TXNL4B: variants seen among roughly 807,000 people sequenced by gnomAD.
The protein encoded by TXNL4B is thioredoxin like 4B.
TXNL4B carries 12 observed loss-of-function variants against 13.0 expected under a neutral mutation model. The ratio of observed to expected loss-of-function variants is 0.92; its 90% CI spans 0.59 to 1.49. The LOEUF (loss-of-function observed/expected upper bound fraction) is 1.49, where lower values mean the gene tolerates loss of function less well. TXNL4B is among the 40% of genes most tolerant of loss of function. The probability of loss-of-function intolerance (pLI) is 0.00; values close to 1 mark genes in which losing one functional copy is unlikely to be tolerated. For missense variants in TXNL4B, 214 were observed against 173.6 expected (o/e 1.23, Z -1.31); for synonymous variants, 59 against 58.9 (o/e 1.00, Z -0.01).
At chr16:72,091,033 T>C (rs1244343049) in intron 1 of TXNL4B, among the ~76,000 whole-genome samples, 2 of 152,186 alleles carry the variant, frequency 1.3e-5, no homozygotes, top group Non-Finnish European at 2.9e-5. Flanking sequence ...TTGTTATGCA[T>C]TCACCAAAAA....
chr16:72,092,288 C>T (rs891913140), intron 1 of TXNL4B, among the ~76,000 whole-genome samples: 1 of 152,118 alleles, frequency 6.6e-6, no homozygotes, highest in African/African-American at 2.4e-5. Flanking sequence ...CAGATGCCAC[C>T]TGTAATCCAA....
At position 72,085,419 on chromosome 16, in the gene TXNL4B, G is replaced by A. The variant is rs2041808663; in HGVS notation, c.*1218C>T. 5.9e-6 allele frequency: 1 copy of A among 169,382 alleles called. No homozygotes were observed. The highest frequency in any genetic ancestry group is 6.3e-5 in the Admixed American group (1 of 15,770). The allele number at this position is 169,382 out of a possible 1,614,324, so 10.5% of individuals were successfully genotyped here. On this transcript the variant is annotated 3_prime_UTR_variant, in exon 4 of 4. Transcript: ENST00000268483. ...TTCAATAACCACCACGAGGTTTAAA[G>A]AGGAGCAGTAACTTGCCCACGGTTG...
intron 3 of TXNL4B, 83 bp downstream of exon 3, chr16:72,088,904 C>T (rs541266628): frequency 9.1e-7 from 1 of 1,100,488 alleles, no homozygotes; most frequent in Non-Finnish European, 1.3e-6. Flanking sequence ...GAGCCAACAT[C>T]ACATGGAAAT....
At position 72,085,863 on chromosome 16, in the gene TXNL4B, C is replaced by G. The variant is rs2041815207; in HGVS notation, c.*774G>C. ...ATAAAAATACAAAAAATTAGCTGGG[C>G]ATGGTGGCGGGCGCCTGTAGTCCCA... On this transcript the variant is annotated 3_prime_UTR_variant, in exon 4 of 4. Coordinates refer to ENST00000268483, the MANE Select transcript of TXNL4B (RefSeq NM_017853.3). 6.6e-6 allele frequency: 1 copy of G among 152,064 alleles called. No individual in the cohort carries two copies. The highest frequency in any genetic ancestry group is 2.1e-4 in the South Asian group (1 of 4,818). The allele number at this position is 152,064 out of a possible 1,614,324, so 9.4% of individuals were successfully genotyped here. A position where few individuals can be genotyped will look rare whatever the true frequency, so the allele number is the denominator to read the frequency against.
Position 72,089,012 on chromosome 16 carries a change from C to A in TXNL4B, c.259G>T (p.Gly87Trp). The change falls in exon 3 of 4, where the codon GGG becomes TGG. Residue 87 changes from glycine (G) to tryptophan (W), a missense_variant. Physicochemically the swap from Gly to Trp is radical, Grantham distance 184. Coordinates refer to ENST00000268483, the MANE Select transcript of TXNL4B (RefSeq NM_017853.3). ...YIPSTVFFFN[G>W]QHMKVDYGSP... is the part of the protein sequence containing the mutation. ...CCATAATCCACTTTCATATGCTGCC[C>A]ATTGAAGAAAAAGACAGTAGATGGA... The A allele has an allele frequency of 1.2e-6, 2 of 1,610,402 alleles. No homozygotes were observed. Among genetic ancestry groups the A allele is most frequent in the Non-Finnish European group, 1.7e-6 (2 of 1,177,302 alleles).
intron 1 of TXNL4B, among the ~76,000 whole-genome samples, chr16:72,092,379 C>T (rs1014658368): frequency 4.0e-5 from 6 of 151,234 alleles, no homozygotes; most frequent in African/African-American, 1.5e-4. Flanking sequence ...CTCCACTGCA[C>T]TCCAGCCTGG....
chr16:72,085,119 G>T lies in TXNL4B; in HGVS notation c.*1518C>A, dbSNP rs878948889. On this transcript the variant is annotated 3_prime_UTR_variant, in exon 4 of 4. Transcript: ENST00000268483. ...TCTCCTTTTGTCTTATTCCTGGAGT[G>T]ACTCCCTCCTCTTATCAGCAGGGAT... is the stretch of plus-strand genomic sequence containing the variant. The T allele has an allele frequency of 2.5e-6, 1 of 398,008 alleles. No homozygotes were observed. The highest frequency in any genetic ancestry group is 1.3e-4 in the South Asian group (1 of 7,558). The allele number at this position is 398,008 out of a possible 1,614,324, so 24.7% of individuals were successfully genotyped here.
rs2041819010 is a variant in TXNL4B, at chr16:72,086,118, C to A, written c.*519G>T. ...CAATTAATTATTTGAAGAGAACCTA[C>A]AGTAATACAGACTGGAGATGGGAAA... On this transcript the variant is annotated 3_prime_UTR_variant, in exon 4 of 4. Transcript: ENST00000268483. The A allele has an allele frequency of 6.6e-6, 1 of 152,140 alleles. No homozygotes were observed. The highest frequency in any genetic ancestry group is 2.1e-4 in the South Asian group (1 of 4,832). 9.4% of individuals were successfully genotyped at this position (152,140 alleles called of 1,614,324 possible). A position where few individuals can be genotyped will look rare whatever the true frequency, so the allele number is the denominator to read the frequency against.
In TXNL4B at chr16:72,090,607, C is replaced by T; in HGVS notation, c.132+11G>A. The stretch of plus-strand genomic sequence containing the variant: ...ATTAATAAAAACCAATTATTTTAGA[C>T]ATTCACTTACAATATCATCTAGCTG... On this transcript the variant is annotated intron_variant, in intron 2 of 3. Coordinates refer to ENST00000268483, the MANE Select transcript of TXNL4B (RefSeq NM_017853.3). 1 of 1,612,810 alleles carries T rather than the reference C, an allele frequency of 6.2e-7. No homozygotes were observed. Among genetic ancestry groups the T allele is most frequent in the Non-Finnish European group, 8.5e-7 (1 of 1,179,548 alleles).
At position 72,090,740 on chromosome 16, in the gene TXNL4B, G is replaced by C; in HGVS notation, c.10C>G (p.Leu4Val). 1 of 1,613,976 alleles carries C rather than the reference G, an allele frequency of 6.2e-7. No individual in the cohort carries two copies. The highest frequency in any genetic ancestry group is 1.1e-5 in the South Asian group (1 of 91,082). MSF[L>V]LPKLTSKKEV... ...TTTTTGCTAGTCAGCTTGGGCAGTA[G>C]GAAGCTCATCTTGAAATAACCCAAA... The change falls in exon 2 of 4, where the codon CTA becomes GTA. Residue 4 changes from leucine to valine, a missense_variant. Physicochemically the swap from Leu to Val is conservative, Grantham distance 32. Coordinates refer to ENST00000268483, the MANE Select transcript of TXNL4B (RefSeq NM_017853.3).
rs1473051900 is a variant in TXNL4B, at chr16:72,086,544, T to G, written c.*93A>C. ...CAAACCTCTTCTCCTCTGGGACACA[T>G]GTTTCCAAAGGACTCCAGAAACACA... On this transcript the variant is annotated 3_prime_UTR_variant, in exon 4 of 4. Coordinates refer to ENST00000268483, the MANE Select transcript of TXNL4B (RefSeq NM_017853.3). The G allele has an allele frequency of 2.4e-6, 3 of 1,253,244 alleles. No homozygotes were observed. In the African/African-American group the frequency reaches 4.5e-5, roughly 19 times the overall value. 77.6% of individuals were successfully genotyped at this position (1,253,244 alleles called of 1,614,324 possible).
chr16:72,090,489 T>A, intron 2 of TXNL4B, 129 bp downstream of exon 2: 1 of 906,490 alleles, frequency 1.1e-6, no homozygotes, highest in Non-Finnish European at 1.7e-6. Flanking sequence ...CACAATCAGC[T>A]CTTAGTGAAC....
chr16:72,093,976 C>T (rs890574200), upstream of TXNL4B: 3 of 152,626 alleles, frequency 2.0e-5, no homozygotes, highest in African/African-American at 7.2e-5. Flanking sequence ...CTCCTTGAGC[C>T]TGTCTGAGCG....
chr16:72,086,807 A>AATAG lies in TXNL4B; in HGVS notation c.285-6_285-5insCTAT. The AATAG allele has an allele frequency of 6.3e-7, 1 of 1,590,306 alleles. No homozygotes were observed. Among genetic ancestry groups the AATAG allele is most frequent in the Non-Finnish European group, 8.6e-7 (1 of 1,162,426 alleles). ...AACTTAGTGTGATCTGGAGATCTAG[A>AATAG]CAGCATAGAAGAGAAACAACTGCTC... On this transcript the variant is annotated splice_region_variant and splice_polypyrimidine_tract_variant and intron_variant, in intron 3 of 3. Transcript: ENST00000268483.
In TXNL4B at chr16:72,086,188, G is replaced by GGTGT. The variant is rs148582661; in HGVS notation, c.*445_*448dup. 3.7e-4 allele frequency: 56 copies of GGTGT among 150,658 alleles called. No homozygotes were observed. Among genetic ancestry groups the GGTGT allele is most frequent in the Non-Finnish European group, 5.6e-4 (38 of 67,920 alleles). 9.3% of individuals were successfully genotyped at this position (150,658 alleles called of 1,614,324 possible). ...CGAGGAACCGGCAAAGGGGTGTGGG[G>GGTGT]GTGTGTGTGTGTGTGTGTGTGCACA... On this transcript the variant is annotated 3_prime_UTR_variant, in exon 4 of 4. Coordinates refer to ENST00000268483, the MANE Select transcript of TXNL4B (RefSeq NM_017853.3).
At chr16:72,088,332 G>T (rs989164737) in intron 3 of TXNL4B, among the ~76,000 whole-genome samples, 1 of 152,238 alleles carries the variant, frequency 6.6e-6, no homozygotes, top group Non-Finnish European at 1.5e-5. Flanking sequence ...CACAGATCTA[G>T]ATAAGTGGAC....
chr16:72,088,821 T>C (rs1051723816), intron 3 of TXNL4B, among the ~76,000 whole-genome samples, 166 bp downstream of exon 3: 2 of 152,216 alleles, frequency 1.3e-5, no homozygotes, highest in East Asian at 3.9e-4. Context: ...GCACTCTCAT[T>C]TTGTAGCAAG....
chr16:72,086,803 C>T lies in TXNL4B; in HGVS notation c.285-1G>A, dbSNP rs749881821. The T allele has an allele frequency of 6.3e-7, 1 of 1,599,624 alleles. No homozygotes were observed. The highest frequency in any genetic ancestry group is 8.6e-7 in the Non-Finnish European group (1 of 1,169,010). On this transcript the variant is annotated splice_acceptor_variant, in intron 3 of 3. Coordinates refer to ENST00000268483, the MANE Select transcript of TXNL4B (RefSeq NM_017853.3). LOFTEE classifies it high-confidence loss of function. ...CACAAACTTAGTGTGATCTGGAGAT[C>T]TAGACAGCATAGAAGAGAAACAACT...
At chr16:72,089,198 T>C in intron 2 of TXNL4B, 60 bp from the exon 3 acceptor site, 1 of 1,459,204 alleles carries the variant, frequency 6.9e-7, no homozygotes. Flanking sequence ...GTTTCTTCTG[T>C]GAAACTTGTT....
Sources: gnomAD v4.1 joint callset for allele counts (sites outside exome capture counted in the v4.1 genomes callset) on GRCh38, gnomAD v4.1.1 for gene constraint, MANE v1.5 for transcripts, NCBI Gene and HGNC (gene_info 2026-07-23, HGNC 2026-07-21) for gene names.